The following FGF10 variants were observed in gnomAD, a reference collection of about 807,000 sequenced individuals.
The protein encoded by FGF10 is FGF-10.
A neutral mutation model predicts 19.8 loss-of-function variants in FGF10; 2 were observed. That is an observed-to-expected ratio of 0.10 (90% CI 0.04 to 0.32). The LOEUF (loss-of-function observed/expected upper bound fraction) is 0.32. Among genes scored for constraint, FGF10 ranks in the 10% least tolerant of loss-of-function variants. The pLI, the probability that FGF10 is intolerant of heterozygous loss-of-function variation, is 1.00. For synonymous variants in FGF10, 112 were observed against 94.0 expected, an observed-to-expected ratio of 1.19 and a Z score of -1.10; for missense variants, 191 against 246.3, an observed-to-expected ratio of 0.78 and a Z score of 1.50.
At chr5:44,366,837 G>A (rs1005664211) in intron 1 of FGF10, among the ~76,000 whole-genome samples, 3 of 151,990 alleles carry the variant, frequency 2.0e-5, no homozygotes, top group African/African-American at 4.8e-5. Flanking sequence ...AGATGTGGGA[G>A]TTTAATATGA....
At chr5:44,313,601 T>TTA (rs1740261058) in intron 1 of FGF10, among the ~76,000 whole-genome samples, 4 of 150,444 alleles carry the variant, frequency 2.7e-5, no homozygotes, top group African/African-American at 9.9e-5. Context: ...TTTTTTTTTT[T>TTA]AACTCAAAGA....
chr5:44,301,341 AT>A lies in FGF10; in HGVS notation c.*3653del, dbSNP rs1247239010. 2.0e-5 allele frequency among the ~76,000 whole-genome samples: 3 copies of A among 152,206 alleles called. No homozygotes were observed. Among genetic ancestry groups the A allele is most frequent in the African/African-American group, 7.2e-5 (3 of 41,476 alleles). The stretch of plus-strand genomic sequence containing the variant: ...AAAAAGGTAAATTTTACTTCACTGA[AT>A]AATCACAAACCTTGAATTGGCAGCA... On this transcript the variant is annotated 3_prime_UTR_variant, in exon 3 of 3. Coordinates refer to ENST00000264664, the MANE Select transcript of FGF10 (RefSeq NM_004465.2).
At chr5:44,386,402 A>G (rs1214494365) in intron 1 of FGF10, among the ~76,000 whole-genome samples, 2 of 152,180 alleles carry the variant, frequency 1.3e-5, no homozygotes. Flanking sequence ...AGTTTTCTCC[A>G]TGAAAAATAA....
At chr5:44,334,951 A>C (rs1379991389) in intron 1 of FGF10, among the ~76,000 whole-genome samples, 1 of 152,100 alleles carries the variant, frequency 6.6e-6, no homozygotes, top group Non-Finnish European at 1.5e-5. Flanking sequence ...GTCTCCCTTA[A>C]TCATTCTCAC....
At chr5:44,378,470 C>T (rs923314133) in intron 1 of FGF10, among the ~76,000 whole-genome samples, 1 of 152,150 alleles carries the variant, frequency 6.6e-6, no homozygotes, top group Non-Finnish European at 1.5e-5. Context: ...CTCGCTCTGT[C>T]GCCCAGGCTG....
intron 1 of FGF10, among the ~76,000 whole-genome samples, chr5:44,364,518 G>C (rs1350635315): frequency 6.6e-6 from 1 of 151,836 alleles, no homozygotes; most frequent in Non-Finnish European, 1.5e-5. Context: ...ACAAAACCCA[G>C]GGCAGGCTCC....
chr5:44,307,414 C>T (rs1220333950), intron 2 of FGF10, among the ~76,000 whole-genome samples: 1 of 152,112 alleles, frequency 6.6e-6, no homozygotes, highest in Non-Finnish European at 1.5e-5. Context: ...AAATCATGCT[C>T]TATGAAGACC....
intron 1 of FGF10, among the ~76,000 whole-genome samples, chr5:44,380,215 T>C (rs919673777): frequency 1.3e-5 from 2 of 152,222 alleles, no homozygotes; most frequent in African/African-American, 4.8e-5. Context: ...CTTCTTTTAA[T>C]AATTCTATCA....
At chr5:44,305,222 C>T (rs201454399) in intron 2 of FGF10, 30 bp from the exon 3 acceptor site, 1 of 1,591,722 alleles carries the variant, frequency 6.3e-7, no homozygotes, top group Non-Finnish European at 8.6e-7. Context: ...TCTTTTATTC[C>T]TATGGTGATT....
intron 1 of FGF10, among the ~76,000 whole-genome samples, chr5:44,361,806 G>T (rs1048027762): frequency 6.6e-6 from 1 of 151,684 alleles, no homozygotes; most frequent in South Asian, 2.1e-4. Flanking sequence ...TGCCTATTCA[G>T]CAGTTTTGTA....
chr5:44,352,623 G>A (rs146355178), intron 1 of FGF10, among the ~76,000 whole-genome samples: 158 of 151,694 alleles, frequency 1.0e-3, no homozygotes, highest in African/African-American at 3.7e-3. Context: ...CTGGGGAAAT[G>A]TCTAAGTTCT....
At position 44,388,726 on chromosome 5, in the gene FGF10, A is replaced by C. The variant is rs1742171554; in HGVS notation, c.-44T>G. On this transcript the variant is annotated 5_prime_UTR_variant, in exon 1 of 3. Coordinates refer to ENST00000264664, the MANE Select transcript of FGF10 (RefSeq NM_004465.2). ...ACTGGAAATTGTCTCATCAGAAGGA[A>C]CATACTGGAAGGGTAAGACCCGATG... 6.2e-7 allele frequency: 1 copy of C among 1,600,350 alleles called. No homozygotes were observed.
At chr5:44,314,597 C>T (rs1464972604) in intron 1 of FGF10, among the ~76,000 whole-genome samples, 1 of 152,014 alleles carries the variant, frequency 6.6e-6, no homozygotes. Flanking sequence ...TTAGAAGTCA[C>T]AATTTTCGTG....
At chr5:44,365,612 T>C (rs564861188) in intron 1 of FGF10, among the ~76,000 whole-genome samples, 19 of 152,072 alleles carry the variant, frequency 1.2e-4, no homozygotes, top group African/African-American at 4.6e-4. Context: ...CTCTACGCTT[T>C]GATTAAGACT....
intron 1 of FGF10, among the ~76,000 whole-genome samples, chr5:44,312,348 A>C (rs182627620): frequency 6.6e-6 from 1 of 152,194 alleles, no homozygotes; most frequent in East Asian, 1.9e-4. Flanking sequence ...ACACACACAC[A>C]GGTGGTAAGG....
rs1490045848 is a variant in FGF10 at position 44,301,143 on chromosome 5, G to A, written c.*3852C>T. Among the ~76,000 whole-genome samples the A allele has an allele frequency of 6.6e-6, 1 of 151,270 alleles. No individual in the cohort carries two copies. The highest frequency in any genetic ancestry group is 2.0e-4 in the East Asian group (1 of 5,128). On this transcript the variant is annotated 3_prime_UTR_variant, in exon 3 of 3. Transcript: ENST00000264664. ...CCTTTTTATTTTTTTTTCAGTTTAA[G>A]TTGGAAAAGTCCTGCTTCATGAAAT...
chr5:44,334,799 GT>G (rs1331030418), intron 1 of FGF10, among the ~76,000 whole-genome samples: 2 of 152,070 alleles, frequency 1.3e-5, no homozygotes, highest in Non-Finnish European at 2.9e-5. Context: ...GCCTGACATT[GT>G]TTAGTCAGCT....
At chr5:44,378,987 A>G (rs560372412) in intron 1 of FGF10, among the ~76,000 whole-genome samples, 4 of 152,188 alleles carry the variant, frequency 2.6e-5, no homozygotes, top group African/African-American at 4.8e-5. Context: ...TCCAGCCTCA[A>G]TGTGCCTTCT....
At chr5:44,344,442 AT>A (rs985709725) in intron 1 of FGF10, among the ~76,000 whole-genome samples, 1 of 151,944 alleles carries the variant, frequency 6.6e-6, no homozygotes, top group East Asian at 1.9e-4. Flanking sequence ...GATTAAATGA[AT>A]TTTTTTATTA....
Sources: allele counts gnomAD v4.1 joint callset (sites outside exome capture counted in the v4.1 genomes callset), GRCh38; gene constraint gnomAD v4.1.1; transcripts MANE v1.5; gene names NCBI Gene and HGNC (gene_info 2026-07-23, HGNC 2026-07-21).